The following VASH1 variants were observed in gnomAD, a reference collection of about 807,000 sequenced individuals.
VASH1 encodes tubulinyl-Tyr carboxypeptidase 1.
A neutral mutation model predicts 35.0 loss-of-function variants in VASH1; 16 were observed. The observed-to-expected ratio is 0.46, with a 90% CI of 0.31 to 0.70. The LOEUF (loss-of-function observed/expected upper bound fraction) is 0.70. Among genes scored for constraint, VASH1 ranks in the 30% least tolerant of loss-of-function variants. The pLI is 0.05. For missense variants in VASH1, 505 were observed against 510.7 expected, an observed-to-expected ratio of 0.99 and a Z score of 0.11; for synonymous variants, 214 against 200.9, an observed-to-expected ratio of 1.07 and a Z score of -0.55.
Position 76,762,875 on chromosome 14 carries a change from G to T in VASH1, c.54G>T (p.Thr18=), listed in dbSNP as rs779851038. Residue 18 remains threonine, a synonymous_variant, in exon 1 of 7, where the codon ACG becomes ACT. Transcript: ENST00000167106. ...GTGGCAGCAGCGGTGCCACTCCAAC[G>T]TCCGCTGCGGCCACCGCCCCCTCTG... is the stretch of plus-strand genomic sequence containing the variant. ...AGGGSSGATP[T]SAAATAPSGV... is the part of the protein sequence containing the mutation. 6.5e-7 allele frequency: 1 copy of T among 1,544,906 alleles called. No homozygotes were observed. Among genetic ancestry groups the T allele is most frequent in the Non-Finnish European group, 8.7e-7 (1 of 1,144,930 alleles).
chr14:76,778,198 G>A (rs1391379588), intron 6 of VASH1, 127 bp downstream of exon 6: 1 of 672,498 alleles, frequency 1.5e-6, no homozygotes, highest in East Asian at 3.5e-5. Context: ...CCCAAGGGAG[G>A]TGACTTGGGA....
chr14:76,776,028 C>T lies in VASH1; in HGVS notation c.667C>T (p.Arg223Cys), dbSNP rs1893927664. 6.2e-7 allele frequency: 1 copy of T among 1,612,316 alleles called. No individual in the cohort carries two copies. Among genetic ancestry groups the T allele is most frequent in the Non-Finnish European group, 8.5e-7 (1 of 1,179,790 alleles). The stretch of plus-strand genomic sequence containing the variant: ...CTACGGTGCGCTGGGCATGAGTCGG[C>T]GCGAGGACCTGATGTACAAGCCGCC... Reference protein sequence around the residue: ...GRYGALGMSRREDLMYKPPAF... With the variant: ...GRYGALGMSRCEDLMYKPPAF... The change falls in exon 5 of 7, where the codon CGC (arginine) becomes TGC (cysteine). Residue 223 changes from arginine to cysteine, a missense_variant. By Grantham distance (180) the Arg-to-Cys change is radical. Transcript: ENST00000167106.
chr14:76,779,185 G>C lies in VASH1; in HGVS notation c.*167G>C. ...CCCAAGCTGCTCTCGCTCCCACTGA[G>C]CCAAGCCCCCTAACTTTGGGCCTAG... On this transcript the variant is annotated 3_prime_UTR_variant, in exon 7 of 7. Transcript: ENST00000167106. The C allele has an allele frequency of 1.3e-6, 1 of 764,870 alleles. No homozygotes were observed. Among genetic ancestry groups the C allele is most frequent in the South Asian group, 1.5e-5 (1 of 65,800 alleles). 47.4% of individuals were successfully genotyped at this position (764,870 alleles called of 1,614,324 possible).
chr14:76,765,544 G>T (rs1893620754), intron 1 of VASH1, among the ~76,000 whole-genome samples: 1 of 152,282 alleles, frequency 6.6e-6, no homozygotes, highest in South Asian at 2.1e-4. Context: ...GGGTGCCAGG[G>T]TGCCAGTGGC....
intron 1 of VASH1, chr14:76,769,258 G>C: frequency 2.4e-6 from 3 of 1,273,746 alleles, no homozygotes; most frequent in Non-Finnish European, 3.1e-6. Context: ...GAGGAAGACT[G>C]TCTGGGTACC....
intron 1 of VASH1, among the ~76,000 whole-genome samples, chr14:76,768,199 C>A (rs1893692863): frequency 6.6e-6 from 1 of 152,240 alleles, no homozygotes; most frequent in South Asian, 2.1e-4. Context: ...CCCCTGTATC[C>A]TTGACATGGG....
intron 5 of VASH1, among the ~76,000 whole-genome samples, chr14:76,777,270 C>A (rs1595279097): frequency 6.6e-6 from 1 of 152,250 alleles, no homozygotes; most frequent in African/African-American, 2.4e-5. Context: ...TCTTCTGCCC[C>A]TGAGCTGCCG....
intron 6 of VASH1, 52 bp from the exon 7 acceptor site, chr14:76,778,894 C>CTT: frequency 6.3e-7 from 1 of 1,582,302 alleles, no homozygotes; most frequent in Non-Finnish European, 8.7e-7. Context: ...CCAACTCCAT[C>CTT]TCCCTAACAG....
In VASH1 at chr14:76,776,048, G is replaced by A. The variant is rs566986326; in HGVS notation, c.687G>A (p.Lys229=). The change falls in exon 5 of 7, where the codon AAG becomes AAA. Residue 229 remains lysine (K), a synonymous_variant. Transcript: ENST00000167106. ...GMSRREDLMY[K]PPAFRTLSEL... is the part of the protein sequence containing the mutation. ...GTCGGCGCGAGGACCTGATGTACAA[G>A]CCGCCCGCCTTCCGCACGCTCAGCG... 2.7e-5 allele frequency: 43 copies of A among 1,610,878 alleles called. 1 individual carries two copies. In the South Asian group the frequency reaches 4.5e-4, roughly 17 times the overall value.
chr14:76,776,196 G>C lies in VASH1; in HGVS notation c.835G>C (p.Val279Leu). The change falls in exon 5 of 7, where the codon GTG becomes CTG. Residue 279 changes from valine (V) to leucine (L), a missense_variant. Val to Leu is a conservative substitution (Grantham distance 32, BLOSUM62 1). Transcript: ENST00000167106. ...SVEQIEWKHSVLDVERLGRDD... is the reference protein window; with the variant it reads ...SVEQIEWKHSLLDVERLGRDD... ...GGAGCAGATCGAGTGGAAGCACTCG[G>C]TGCTGGACGTGGAGCGCCTGGGCCG... 1.2e-6 allele frequency: 2 copies of C among 1,610,476 alleles called. No individual in the cohort carries two copies. Among genetic ancestry groups the C allele is most frequent in the Non-Finnish European group, 1.7e-6 (2 of 1,179,718 alleles).
At chr14:76,764,852 AT>A (rs1468081587) in intron 1 of VASH1, among the ~76,000 whole-genome samples, 1 of 151,758 alleles carries the variant, frequency 6.6e-6, no homozygotes, top group Non-Finnish European at 1.5e-5. Context: ...CACCTGGCTA[AT>A]TTTTGTATTT....
intron 4 of VASH1, chr14:76,773,428 C>A: frequency 1.8e-6 from 1 of 558,816 alleles, no homozygotes; most frequent in South Asian, 2.5e-5. Context: ...CAGTTGCTAC[C>A]TTCCCAGGCT....
intron 3 of VASH1, 85 bp from the exon 4 acceptor site, chr14:76,773,052 C>A: frequency 7.4e-7 from 1 of 1,359,978 alleles, no homozygotes; most frequent in Non-Finnish European, 1.0e-6. Context: ...TCTAGCATTT[C>A]TAGTCCACCC....
chr14:76,769,060 C>A (rs1222190456), intron 1 of VASH1, among the ~76,000 whole-genome samples: 4 of 152,220 alleles, frequency 2.6e-5, no homozygotes, highest in Non-Finnish European at 2.9e-5. Context: ...ATCCGGGCTC[C>A]CCTGGCTGGA....
At chr14:76,766,642 A>AT (rs1420445006) in intron 1 of VASH1, among the ~76,000 whole-genome samples, 2 of 151,864 alleles carry the variant, frequency 1.3e-5, no homozygotes, top group Non-Finnish European at 2.9e-5. Flanking sequence ...GGGTCTCTCT[A>AT]TATTGCCCAG....
At position 76,773,200 on chromosome 14, in the gene VASH1, G is replaced by C. The variant is rs1177871433; in HGVS notation, c.519G>C (p.Val173=). ...TGCCAATCAAATGCCTGGAAGCCGTGATCCTGGGAATGTATCCTTCCTCAC... is the reference window on the plus strand; with the variant it reads ...TGCCAATCAAATGCCTGGAAGCCGTCATCCTGGGAATGTATCCTTCCTCAC... ...EALPIKCLEA[V]ILGIYLTNSM... The change falls in exon 4 of 7, where the codon GTG becomes GTC. Residue 173 remains valine, a synonymous_variant. Transcript: ENST00000167106. The C allele has an allele frequency of 1.2e-6, 2 of 1,614,058 alleles. No homozygotes were observed. Among genetic ancestry groups the C allele is most frequent in the Non-Finnish European group, 1.7e-6 (2 of 1,180,032 alleles).
At position 76,781,012 on chromosome 14, in the gene VASH1, C is replaced by G. The variant is rs1284263686; in HGVS notation, c.*1994C>G. ...ACCAGCGGGGGTGGCGCATGGAGTACAGACAGTGTAGCTCTTGGCCTGCCA... is the reference window on the plus strand; with the variant it reads ...ACCAGCGGGGGTGGCGCATGGAGTAGAGACAGTGTAGCTCTTGGCCTGCCA... On this transcript the variant is annotated 3_prime_UTR_variant, in exon 7 of 7. Transcript: ENST00000167106. 2 of 152,450 alleles carry G rather than the reference C, an allele frequency of 1.3e-5. No individual in the cohort carries two copies. Among genetic ancestry groups the G allele is most frequent in the Non-Finnish European group, 2.9e-5 (2 of 68,268 alleles). 9.4% of individuals were successfully genotyped at this position (152,450 alleles called of 1,614,324 possible). A position where few individuals can be genotyped will look rare whatever the true frequency, so the allele number is the denominator to read the frequency against.
chr14:76,778,997 C>T lies in VASH1; in HGVS notation c.1077C>T (p.Asn359=), dbSNP rs1566688347. Residue 359 remains asparagine (N), a synonymous_variant, in exon 7 of 7, where the codon AAC becomes AAT. Coordinates refer to ENST00000167106, the MANE Select transcript of VASH1 (RefSeq NM_014909.5). ...AGCCCAAAGCCATGCCAGACCTTAA[C>T]GGGTACCAGATCCGGGTCTGAGGCG... The part of the protein sequence containing the change: ...TSEPKAMPDL[N]GYQIRV 10 of 1,614,030 alleles carry T rather than the reference C, an allele frequency of 6.2e-6. No individual in the cohort carries two copies. The highest frequency in any genetic ancestry group is 3.3e-5 in the Admixed American group (2 of 60,008).
chr14:76,776,192 C>T lies in VASH1; in HGVS notation c.831C>T (p.His277=). Residue 277 remains histidine, a synonymous_variant, in exon 5 of 7, where the codon CAC becomes CAT. Coordinates refer to ENST00000167106, the MANE Select transcript of VASH1 (RefSeq NM_014909.5). ...PHSVEQIEWK[H]SVLDVERLGR... is the part of the protein sequence containing the mutation. ...GCGTGGAGCAGATCGAGTGGAAGCA[C>T]TCGGTGCTGGACGTGGAGCGCCTGG... 2 of 1,610,718 alleles carry T rather than the reference C, an allele frequency of 1.2e-6. No homozygotes were observed. Among genetic ancestry groups the T allele is most frequent in the South Asian group, 1.1e-5 (1 of 91,026 alleles).
Sources: gnomAD v4.1 joint callset for allele counts (sites outside exome capture counted in the v4.1 genomes callset) on GRCh38, gnomAD v4.1.1 for gene constraint, MANE v1.5 for transcripts, NCBI Gene and HGNC (gene_info 2026-07-23, HGNC 2026-07-21) for gene names.